ARPP21: variants seen among roughly 807,000 people sequenced by gnomAD.
The protein encoded by ARPP21 is cAMP regulated phosphoprotein 21.
In ARPP21, 69 loss-of-function variants were observed where a neutral mutation model predicts 113.2. The observed-to-expected ratio is 0.61, with a 90% CI of 0.50 to 0.74. The LOEUF (loss-of-function observed/expected upper bound fraction) is 0.74. Ranked by LOEUF, ARPP21 falls within the 30% of genes least tolerant of loss-of-function variation. The pLI is 0.00. For missense variants in ARPP21, 1,070 were observed against 1,037.4 expected (o/e 1.03, Z -0.43); for synonymous variants, 368 against 375.5 (o/e 0.98, Z 0.23).
intron 19 of ARPP21, among the ~76,000 whole-genome samples, chr3:35,755,579 C>T (rs2151169128): frequency 6.6e-6 from 1 of 152,142 alleles, no homozygotes; most frequent in East Asian, 1.9e-4. Flanking sequence ...CTCAATCTAA[C>T]AGCCAAATAA....
chr3:35,722,738 C>T (rs2093211919), intron 14 of ARPP21, among the ~76,000 whole-genome samples: 1 of 152,154 alleles, frequency 6.6e-6, no homozygotes, highest in Non-Finnish European at 1.5e-5. Flanking sequence ...TAACTTGAAA[C>T]AACTTTAAAC....
intron 14 of ARPP21, among the ~76,000 whole-genome samples, chr3:35,727,098 C>T (rs1348283293): frequency 2.6e-5 from 4 of 152,174 alleles, no homozygotes; most frequent in Non-Finnish European, 4.4e-5. Context: ...TTCGTAGCCC[C>T]ATGAGCATTC....
At chr3:35,660,382 C>T (rs980698129) in intron 1 of ARPP21, among the ~76,000 whole-genome samples, 7 of 152,102 alleles carry the variant, frequency 4.6e-5, no homozygotes, top group Admixed American at 2.0e-4. Context: ...GCCTCTGGGC[C>T]CCATCCTTCC....
intron 10 of ARPP21, 100 bp downstream of exon 10, chr3:35,707,182 C>A (rs2089439655): frequency 3.6e-6 from 3 of 828,846 alleles, no homozygotes; most frequent in Admixed American, 4.2e-5. Flanking sequence ...TCCCTCCAAT[C>A]CTCCCCTGCC....
At chr3:35,711,227 T>C (rs1191138257) in intron 11 of ARPP21, among the ~76,000 whole-genome samples, 2 of 152,102 alleles carry the variant, frequency 1.3e-5, no homozygotes, top group Non-Finnish European at 2.9e-5. Flanking sequence ...GCGTTTTAAA[T>C]TGGCATCAGG....
At chr3:35,760,601 C>G (rs2095735622) in intron 19 of ARPP21, among the ~76,000 whole-genome samples, 1 of 151,638 alleles carries the variant, frequency 6.6e-6, no homozygotes, top group Middle Eastern at 3.2e-3. Flanking sequence ...TTAAGATGAA[C>G]TTCATTGATT....
intron 19 of ARPP21, among the ~76,000 whole-genome samples, chr3:35,768,032 C>T (rs931055044): frequency 4.6e-5 from 7 of 151,294 alleles, no homozygotes; most frequent in Admixed American, 4.0e-4. Flanking sequence ...ACCCAATAAA[C>T]GCATCCAGCT....
At position 35,660,411 on chromosome 3, in the gene ARPP21, C is replaced by T. The variant is rs567747574; in HGVS notation, c.-212-19376C>T. Among the ~76,000 whole-genome samples the T allele has an allele frequency of 2.0e-5, 3 of 152,310 alleles. No homozygotes were observed. The South Asian group carries it at 6.2e-4, about 32-fold the overall frequency. ...TCCTTCCAGATGTGAGCAGGCCAAA[C>T]TCTTACTCTGCTTCCACCCCCTTAT... On this transcript the variant is annotated intron_variant, in intron 1 of 20. Coordinates refer to ENST00000684406, the MANE Select transcript of ARPP21 (RefSeq NM_001385562.1).
chr3:35,689,247 C>A (rs182432348), intron 6 of ARPP21, 60 bp from the exon 7 acceptor site: 5 of 830,066 alleles, frequency 6.0e-6, no homozygotes, highest in Admixed American at 3.5e-5. Flanking sequence ...TTGGGGAAAC[C>A]TTTTCTACCC....
chr3:35,728,164 A>G (rs950343013), intron 14 of ARPP21, among the ~76,000 whole-genome samples: 2 of 146,976 alleles, frequency 1.4e-5, no homozygotes, highest in Non-Finnish European at 3.0e-5. Flanking sequence ...AATAATAATA[A>G]TAATAATAAT....
intron 1 of ARPP21, among the ~76,000 whole-genome samples, chr3:35,647,393 G>C (rs1000970930): frequency 6.6e-6 from 1 of 152,032 alleles, no homozygotes; most frequent in Non-Finnish European, 1.5e-5. Context: ...GAATTCAGTG[G>C]AGCTTCTGAT....
chr3:35,668,684 A>T (rs2075573361), intron 1 of ARPP21, among the ~76,000 whole-genome samples: 2 of 152,192 alleles, frequency 1.3e-5, no homozygotes, highest in South Asian at 4.1e-4. Context: ...ATTTAAAATT[A>T]TGATACTAAT....
chr3:35,767,796 T>C (rs1350039751), intron 19 of ARPP21, among the ~76,000 whole-genome samples: 2 of 152,054 alleles, frequency 1.3e-5, no homozygotes, highest in Non-Finnish European at 2.9e-5. Context: ...CTCCTCTTCA[T>C]GCCTGACTAC....
chr3:35,786,284 G>A (rs989945784), intron 19 of ARPP21, among the ~76,000 whole-genome samples: 2 of 152,162 alleles, frequency 1.3e-5, no homozygotes, highest in African/African-American at 4.8e-5. Flanking sequence ...GGCACTTTGG[G>A]AGGCCAAGAC....
At chr3:35,753,333 A>C (rs542294080) in intron 19 of ARPP21, among the ~76,000 whole-genome samples, 1 of 152,058 alleles carries the variant, frequency 6.6e-6, no homozygotes, top group African/African-American at 2.4e-5. Flanking sequence ...TGTGTTTCAA[A>C]GTTCAAACAC....
At chr3:35,744,272 A>AT (rs966845401) in intron 19 of ARPP21, among the ~76,000 whole-genome samples, 19 of 150,268 alleles carry the variant, frequency 1.3e-4, no homozygotes, top group African/African-American at 3.2e-4. Context: ...CCTTCTTTTA[A>AT]TTTTTTTTTT....
chr3:35,739,905 G>T (rs969484818), intron 18 of ARPP21, among the ~76,000 whole-genome samples: 2 of 152,202 alleles, frequency 1.3e-5, no homozygotes, highest in South Asian at 2.1e-4. Flanking sequence ...GGAAGGAAAA[G>T]CCTTGGGGAA....
chr3:35,651,590 C>T (rs1218732544), intron 1 of ARPP21: 2 of 152,158 alleles, frequency 1.3e-5, no homozygotes, highest in Non-Finnish European at 1.5e-5. Context: ...TCTGGGTTCC[C>T]AGACCTGGGC....
Position 35,689,292 on chromosome 3 carries a change from T to A in ARPP21, c.407-15T>A, listed in dbSNP as rs2081550666. On this transcript the variant is annotated splice_polypyrimidine_tract_variant and intron_variant, in intron 6 of 20. Transcript: ENST00000684406. ...ACCATCATTCCTGACAGCTCCGTCC[T>A]GCTATTTGTTTCAGATTGCAGCCAA... 7.6e-7 allele frequency: 1 copy of A among 1,315,520 alleles called. No individual in the cohort carries two copies. Among genetic ancestry groups the A allele is most frequent in the Non-Finnish European group, 1.1e-6 (1 of 908,376 alleles). 81.5% of individuals were successfully genotyped at this position (1,315,520 alleles called of 1,614,324 possible).
Sources: gnomAD v4.1 joint callset for allele counts (sites outside exome capture counted in the v4.1 genomes callset) on GRCh38, gnomAD v4.1.1 for gene constraint, MANE v1.5 for transcripts, NCBI Gene and HGNC (gene_info 2026-07-23, HGNC 2026-07-21) for gene names.